LMBRD1: variants seen among roughly 807,000 people sequenced by gnomAD.
LMBRD1 encodes the protein LMBR1 domain containing 1, also known as lysosomal cobalamin transport escort protein LMBD1.
Under a neutral mutation model 74.8 loss-of-function variants are expected in LMBRD1, and 64 were observed. That is an observed-to-expected ratio of 0.86 (90% confidence interval 0.70 to 1.05). The LOEUF (loss-of-function observed/expected upper bound fraction) is 1.05, where lower values mean the gene tolerates loss of function less well. Ranked by LOEUF, LMBRD1 falls within the 50% of genes least tolerant of loss-of-function variation. The pLI is 0.00. For synonymous variants in LMBRD1, 204 were observed against 216.3 expected (o/e 0.94, Z 0.50); for missense variants, 652 against 645.9 (o/e 1.01, Z -0.10).
intron 3 of LMBRD1, among the ~76,000 whole-genome samples, chr6:69,760,953 A>G (rs1390944326): frequency 6.6e-6 from 1 of 152,214 alleles, no homozygotes; most frequent in Non-Finnish European, 1.5e-5. Context: ...GAATGACTAC[A>G]GTCCCACCAG....
In LMBRD1 at chr6:69,790,291, T is replaced by C; in HGVS notation, c.246+5A>G. 1 of 1,592,426 alleles carries C rather than the reference T, an allele frequency of 6.3e-7. No homozygotes were observed. Among genetic ancestry groups the C allele is most frequent in the Non-Finnish European group, 8.6e-7 (1 of 1,160,840 alleles). ...AAAAAATCTGCAAAGTAAGATTATA[T>C]TTACCTTAAATGTACCATTTTGATT... On this transcript the variant is annotated splice_donor_5th_base_variant and intron_variant, in intron 2 of 15. Coordinates refer to ENST00000649934, the MANE Select transcript of LMBRD1 (RefSeq NM_018368.4).
chr6:69,736,152 C>A (rs964932257), intron 7 of LMBRD1, among the ~76,000 whole-genome samples: 1 of 152,140 alleles, frequency 6.6e-6, no homozygotes, highest in Admixed American at 6.6e-5. Context: ...CTCCACGCAT[C>A]TTTCATTTCT....
rs529310549 is a variant in LMBRD1, at chr6:69,741,488, C to T, written c.562+301G>A. Among the ~76,000 whole-genome samples, 9 of 152,190 alleles carry T rather than the reference C, an allele frequency of 5.9e-5. No homozygotes were observed. In the South Asian group the frequency reaches 1.5e-3, roughly 25 times the overall value. ...GCAACCTCCACCTCCCAGGTTCAACCGATTCTCCTGCCTCAGCCTCCCGAG... is the reference window on the plus strand; with the variant it reads ...GCAACCTCCACCTCCCAGGTTCAACTGATTCTCCTGCCTCAGCCTCCCGAG... On this transcript the variant is annotated intron_variant, in intron 6 of 15. Coordinates refer to ENST00000649934, the MANE Select transcript of LMBRD1 (RefSeq NM_018368.4).
intron 14 of LMBRD1, among the ~76,000 whole-genome samples, chr6:69,678,536 T>C (rs1418813018): frequency 6.6e-6 from 1 of 152,190 alleles, no homozygotes; most frequent in Non-Finnish European, 1.5e-5. Context: ...CTGCATCTAA[T>C]AGAGGATACT....
chr6:69,722,306 T>C (rs951584306), intron 7 of LMBRD1, among the ~76,000 whole-genome samples: 64 of 151,996 alleles, frequency 4.2e-4, no homozygotes, highest in African/African-American at 1.5e-3. Flanking sequence ...TTCTTCAATC[T>C]GAAACAAAAG....
intron 13 of LMBRD1, among the ~76,000 whole-genome samples, chr6:69,698,555 G>A (rs1457381044): frequency 1.3e-5 from 2 of 151,860 alleles, no homozygotes; most frequent in Admixed American, 6.6e-5. Flanking sequence ...GCCACAGTTC[G>A]CTTTTGAGAG....
intron 3 of LMBRD1, among the ~76,000 whole-genome samples, chr6:69,768,365 T>G (rs899927472): frequency 2.0e-5 from 3 of 151,910 alleles, no homozygotes; most frequent in African/African-American, 7.2e-5. Context: ...TTTGAGTCAT[T>G]TTCTTAGTGG....
rs1177726405 is a variant in LMBRD1, at chr6:69,676,376, G to A, written c.1509+74C>T. ...TACTATGATACAAATGGCCTAGTAA[G>A]ATAAAAAGAGTTTACACATTTAACT... On this transcript the variant is annotated intron_variant, in intron 15 of 15. Transcript: ENST00000649934. The A allele has an allele frequency of 3.8e-6, 6 of 1,572,436 alleles. No homozygotes were observed. The South Asian group carries it at 5.6e-5, about 15-fold the overall frequency.
chr6:69,698,502 A>T (rs1766054730), intron 13 of LMBRD1, among the ~76,000 whole-genome samples: 1 of 152,012 alleles, frequency 6.6e-6, no homozygotes, highest in Non-Finnish European at 1.5e-5. Flanking sequence ...GAATATTTTG[A>T]ATCGTCAGAA....
At chr6:69,711,340 A>G (rs935788066) in intron 9 of LMBRD1, among the ~76,000 whole-genome samples, 4 of 152,284 alleles carry the variant, frequency 2.6e-5, no homozygotes, top group Admixed American at 2.6e-4. Flanking sequence ...AAGAGAGGGC[A>G]TGAGGTAGAT....
chr6:69,741,572 G>C (rs1767101958), intron 6 of LMBRD1, among the ~76,000 whole-genome samples: 1 of 152,148 alleles, frequency 6.6e-6, no homozygotes, highest in Admixed American at 6.5e-5. Flanking sequence ...TTTTAGCAGA[G>C]ACGGGGTTTG....
intron 1 of LMBRD1, among the ~76,000 whole-genome samples, chr6:69,793,456 CTT>C (rs1214441916): frequency 6.6e-6 from 1 of 152,182 alleles, no homozygotes; most frequent in Non-Finnish European, 1.5e-5. Context: ...GATGCCCACA[CTT>C]TAAGGAACAA....
intron 3 of LMBRD1, among the ~76,000 whole-genome samples, chr6:69,761,644 C>T (rs560217376): frequency 2.6e-5 from 4 of 152,304 alleles, no homozygotes; most frequent in Non-Finnish European, 4.4e-5. Flanking sequence ...AACTTTGATA[C>T]ACAATTTACA....
At chr6:69,770,405 G>T (rs911661706) in intron 3 of LMBRD1, among the ~76,000 whole-genome samples, 7 of 152,160 alleles carry the variant, frequency 4.6e-5, no homozygotes, top group Admixed American at 4.6e-4. Context: ...TCAGACTGTT[G>T]TATGTCTTTC....
intron 7 of LMBRD1, among the ~76,000 whole-genome samples, chr6:69,722,725 A>C (rs1255325400): frequency 6.6e-6 from 1 of 152,212 alleles, no homozygotes. Context: ...ACATTAAAGC[A>C]TACCACCAGA....
chr6:69,741,791 C>T lies in LMBRD1; in HGVS notation c.560G>A (p.Ser187Asn), dbSNP rs1767108733. ...VKSLFEELGS[S>N]HGLAALSFSI... is the part of the protein sequence containing the mutation. ...TTTTTAAAAAAAACAATACTTACGA[C>T]TACTTCCAAGTTCTTCAAATAGGGA... is the stretch of plus-strand genomic sequence containing the variant. The change falls in exon 6 of 16, where the codon AGT becomes AAT. Residue 187 changes from serine to asparagine, a missense_variant and splice_region_variant. Physicochemically the swap from Ser to Asn is conservative, Grantham distance 46. Around this residue, in one of 3 missense-constraint regions of LMBRD1, gnomAD observed 598 missense variants for 581.8 expected, o/e 1.03. Transcript: ENST00000649934. 6.4e-7 allele frequency: 1 copy of T among 1,561,270 alleles called. No homozygotes were observed. Among genetic ancestry groups the T allele is most frequent in the East Asian group, 2.2e-5 (1 of 44,586 alleles).
chr6:69,691,719 AC>A (rs1446367091), intron 14 of LMBRD1, among the ~76,000 whole-genome samples: 2 of 151,998 alleles, frequency 1.3e-5, no homozygotes, highest in African/African-American at 4.8e-5. Flanking sequence ...TACTAAAAAT[AC>A]AAAAAATTAG....
intron 3 of LMBRD1, among the ~76,000 whole-genome samples, chr6:69,775,040 AAG>A (rs1765670521): frequency 6.7e-6 from 1 of 149,384 alleles, no homozygotes; most frequent in Admixed American, 6.7e-5. Flanking sequence ...GGAGGGAAGG[AAG>A]GAAAAGATGA....
chr6:69,716,525 T>C (rs931318347), intron 8 of LMBRD1, among the ~76,000 whole-genome samples: 3 of 152,136 alleles, frequency 2.0e-5, no homozygotes, highest in African/African-American at 7.2e-5. Flanking sequence ...GATAATAGTA[T>C]TATATTCATT....
Sources: allele counts gnomAD v4.1 joint callset (sites outside exome capture counted in the v4.1 genomes callset), GRCh38; gene constraint gnomAD v4.1.1; regional missense constraint gnomAD v4.1.1; transcripts MANE v1.5; gene names NCBI Gene and HGNC (gene_info 2026-07-23, HGNC 2026-07-21).